The following HEATR4 variants were observed in gnomAD, a reference collection of about 807,000 sequenced individuals.
HEATR4 encodes HEAT repeat containing 4.
In HEATR4, 95 loss-of-function variants were observed where a neutral mutation model predicts 108.8. The ratio of observed to expected loss-of-function variants is 0.87; its 90% CI spans 0.74 to 1.04. HEATR4 has a LOEUF of 1.04. Among genes scored for constraint, HEATR4 ranks in the 50% least tolerant of loss-of-function variants. The pLI is 0.00. For synonymous variants in HEATR4, 443 were observed against 459.4 expected (o/e 0.96, Z 0.46); for missense variants, 1,152 against 1,253.8 (o/e 0.92, Z 1.23).
chr14:73,517,665 C>CAA lies in HEATR4; in HGVS notation c.1210+1356_1210+1357dup, dbSNP rs34441032. On this transcript the variant is annotated intron_variant, in intron 5 of 17. Coordinates refer to ENST00000553558, the MANE Select transcript of HEATR4 (RefSeq NM_001220484.1). ...CCTGGGAAACAGAGTGAGACCCTGT[C>CAA]AAAAAAAAAAAAAAAAGAAGAAGAA... Among the ~76,000 whole-genome samples the CAA allele has an allele frequency of 3.4e-3, 203 of 59,320 alleles. 3 individuals carry two copies. Among genetic ancestry groups the CAA allele is most frequent in the Admixed American group, 4.8e-3 (20 of 4,196 alleles). The allele number at this position is 59,320 out of a possible 152,430, so 38.9% of individuals were successfully genotyped here.
chr14:73,566,570 G>A, the HEATR4 span, among the ~76,000 whole-genome samples: 1 of 152,206 alleles, frequency 6.6e-6, no homozygotes, highest in Non-Finnish European at 1.5e-5. Context: ...CGCAGCCGCT[G>A]GCCCAGGTGC....
At position 73,498,210 on chromosome 14, in the gene HEATR4, C is replaced by T. The variant is rs1390370206; in HGVS notation, c.2491G>A (p.Val831Ile). The T allele has an allele frequency of 1.2e-6, 2 of 1,614,078 alleles. No individual in the cohort carries two copies. Among genetic ancestry groups the T allele is most frequent in the East Asian group, 2.2e-5 (1 of 44,882 alleles). ...AGCACGTCTAGGAAGGTGTCCCTGA[C>T]CCGGTCCCCTTGAAGTTTCAGGGCT... Reference protein sequence around the residue: ...ILALKLQGDRVRDTFLDVLLL... With the variant: ...ILALKLQGDRIRDTFLDVLLL... Residue 831 changes from valine (V) to isoleucine (I), a missense_variant, in exon 14 of 18, where the codon GTC becomes ATC. Transcript: ENST00000553558.
chr14:73,607,831 C>T, the HEATR4 span, among the ~76,000 whole-genome samples: 5 of 151,848 alleles, frequency 3.3e-5, no homozygotes, highest in Non-Finnish European at 7.4e-5. Flanking sequence ...ACCATGTTTG[C>T]CAGGCTGGTC....
intron 6 of HEATR4, 146 bp from the exon 7 acceptor site, chr14:73,512,295 G>C: frequency 2.3e-6 from 2 of 863,488 alleles, no homozygotes; most frequent in Non-Finnish European, 3.5e-6. Context: ...CAGAGATGGG[G>C]TCTTTAGGGA....
At chr14:73,565,464 C>T in the HEATR4 span, among the ~76,000 whole-genome samples, 52 of 150,882 alleles carry the variant, frequency 3.4e-4, no homozygotes, top group African/African-American at 1.2e-3. Flanking sequence ...CGGCTCACTG[C>T]AAGTGTGTCC....
chr14:73,520,967 A>G lies in HEATR4; in HGVS notation c.954T>C (p.His318=), dbSNP rs748982651. The change falls in exon 4 of 18, where the codon CAT becomes CAC. Residue 318 remains histidine (H), a synonymous_variant. Coordinates refer to ENST00000553558, the MANE Select transcript of HEATR4 (RefSeq NM_001220484.1). ...GGGGCTGGGAGAGGCTCGTCTTTTC[A>G]TGGATATCCTCAGTGCTCTTGTTGC... is the stretch of plus-strand genomic sequence containing the variant. ...MPGNKSTEDI[H]EKTSLSQPQT... is the part of the protein sequence containing the mutation. The G allele has an allele frequency of 6.2e-7, 1 of 1,613,756 alleles. No individual in the cohort carries two copies. Among genetic ancestry groups the G allele is most frequent in the Non-Finnish European group, 8.5e-7 (1 of 1,180,008 alleles).
At chr14:73,491,198 G>A in intron 17 of HEATR4, 1 of 1,596,508 alleles carries the variant, frequency 6.3e-7, no homozygotes, top group Non-Finnish European at 8.5e-7. Flanking sequence ...GCTGCCTAGC[G>A]AGAACTCGGA....
At chr14:73,491,397 C>T (rs10147070) in intron 17 of HEATR4, 225,904 of 1,352,086 alleles carry the variant, frequency 0.17, 20,292 homozygotes, top group Middle Eastern at 0.31. Context: ...CCCGCTTCCG[C>T]GCCGCCCGCG....
the HEATR4 span, among the ~76,000 whole-genome samples, chr14:73,629,635 G>A: frequency 1.1e-4 from 17 of 150,760 alleles, no homozygotes; most frequent in African/African-American, 3.2e-4. Flanking sequence ...ACAACCCAAG[G>A]TGGAAAGTTT....
At chr14:73,593,556 TG>T in the HEATR4 span, 1 of 635,578 alleles carries the variant, frequency 1.6e-6, no homozygotes, top group Non-Finnish European at 2.7e-6. Context: ...TTGTCCAGGC[TG>T]GTCTTGAACT....
intron 1 of HEATR4, among the ~76,000 whole-genome samples, chr14:73,540,383 G>T (rs1350307678): frequency 8.4e-6 from 1 of 119,512 alleles, no homozygotes; most frequent in Non-Finnish European, 1.8e-5. Flanking sequence ...CAGTCAAAGT[G>T]ATTGAACTAC....
intron 11 of HEATR4, 83 bp downstream of exon 11, chr14:73,502,812 G>A: frequency 9.9e-7 from 1 of 1,006,780 alleles, no homozygotes; most frequent in Non-Finnish European, 1.6e-6. Context: ...TTCCCAAAGT[G>A]TTGGGAGCCA....
At chr14:73,631,687 G>T in the HEATR4 span, 1,039 of 159,262 alleles carry the variant, frequency 6.5e-3, 8 homozygotes, top group African/African-American at 0.024. Flanking sequence ...GACGGCATGG[G>T]GTATGGGGAC....
intron 10 of HEATR4, among the ~76,000 whole-genome samples, chr14:73,503,838 G>C (rs1421975864): frequency 3.9e-5 from 6 of 152,110 alleles, no homozygotes; most frequent in Admixed American, 6.6e-5. Flanking sequence ...CATGCTTACT[G>C]AATGAGTGAA....
At chr14:73,617,098 C>A in the HEATR4 span, 2 of 1,583,998 alleles carry the variant, frequency 1.3e-6, no homozygotes, top group Non-Finnish European at 1.7e-6. Context: ...CTTGCCCTGG[C>A]TTATTTCAGA....
Position 73,519,122 on chromosome 14 carries a change from G to C in HEATR4, c.1111C>G (p.Gln371Glu). The stretch of plus-strand genomic sequence containing the variant: ...CGATTTAGGTTTTCCAGGACAATCT[G>C]GTCTCTCTTTGCACCAATCTGGTGG... ...IIHQIGAKRD[Q>E]IVLENLNRYN... The change falls in exon 5 of 18, where the codon CAG (glutamine) becomes GAG (glutamate). Residue 371 changes from glutamine to glutamate, a missense_variant. Coordinates refer to ENST00000553558, the MANE Select transcript of HEATR4 (RefSeq NM_001220484.1). 6.2e-7 allele frequency: 1 copy of C among 1,613,856 alleles called. No homozygotes were observed. The highest frequency in any genetic ancestry group is 2.2e-5 in the East Asian group (1 of 44,856).
upstream of HEATR4, among the ~76,000 whole-genome samples, chr14:73,563,235 C>A (rs139633464): frequency 6.6e-6 from 1 of 151,928 alleles, no homozygotes; most frequent in South Asian, 2.1e-4. Flanking sequence ...AAGGAACCTA[C>A]GTTGAAATAT....
chr14:73,541,867 C>A (rs1311453629), intron 1 of HEATR4, among the ~76,000 whole-genome samples: 1 of 113,682 alleles, frequency 8.8e-6, no homozygotes, highest in African/African-American at 2.9e-5. Context: ...CTTCTTCTTT[C>A]TTTTTTTGAG....
At chr14:73,581,330 T>C in the HEATR4 span, 1 of 152,052 alleles carries the variant, frequency 6.6e-6, no homozygotes, top group African/African-American at 2.4e-5. Context: ...CACCATCTTG[T>C]GTCCTACCTA....
Sources: allele counts gnomAD v4.1 joint callset (sites outside exome capture counted in the v4.1 genomes callset), GRCh38; gene constraint gnomAD v4.1.1; transcripts MANE v1.5; gene names NCBI Gene and HGNC (gene_info 2026-07-23, HGNC 2026-07-21).